GPRIN2: variants seen among roughly 807,000 people sequenced by gnomAD.
The protein encoded by GPRIN2 is G protein regulated inducer of neurite outgrowth 2, also known as G protein-regulated inducer of neurite outgrowth 2.
A neutral mutation model predicts 0.3 loss-of-function variants in GPRIN2; 1 was observed. The observed-to-expected ratio is 3.90, with a 90% CI of 1.39 to 18.51. The LOEUF (loss-of-function observed/expected upper bound fraction) is 18.51. Ranked by LOEUF, GPRIN2 falls within the 30% of genes most tolerant of loss-of-function variation. The pLI is 0.11. For synonymous variants in GPRIN2, 361 were observed against 258.6 expected, an observed-to-expected ratio of 1.40 and a Z score of -3.80; for missense variants, 880 against 604.2, an observed-to-expected ratio of 1.46 and a Z score of -4.79.
chr10:46,550,550 C>T lies in GPRIN2; in HGVS notation c.187G>A (p.Glu63Lys), dbSNP rs143618439. ...GEASTRPQAP[E>K]EEGNPPESMK... ...CTCTCAGGCGGGTTCCCCTCTTCCT[C>T]CGGGGCCTGGGGTCTGGTGCTGGCC... Residue 63 changes from glutamate to lysine, a missense_variant, in exon 3 of 3, where the codon GAG (glutamate) becomes AAG (lysine). Physicochemically the swap from Glu to Lys is moderately conservative, Grantham distance 56. Transcript: ENST00000374314. The T allele has an allele frequency of 1.4e-4, 224 of 1,589,246 alleles. No homozygotes were observed. In the African/African-American group the frequency reaches 2.6e-3, roughly 18 times the overall value.
At chr10:46,552,775 G>A (rs1832095454) in intron 2 of GPRIN2, among the ~76,000 whole-genome samples, 43 of 152,414 alleles carry the variant, frequency 2.8e-4, no homozygotes, top group South Asian at 2.5e-3. Context: ...AATGGCTACC[G>A]TACAGGACTG....
At position 46,548,242 on chromosome 10, in the gene GPRIN2, CA is replaced by C; in HGVS notation, c.*1117del. 1.3e-4 allele frequency among the ~76,000 whole-genome samples: 1 copy of C among 7,614 alleles called. No homozygotes were observed. The highest frequency in any genetic ancestry group is 2.8e-4 in the African/African-American group (1 of 3,584). The allele number at this position is 7,614 out of a possible 152,430, so 5.0% of individuals were successfully genotyped here. A position where few individuals can be genotyped will look rare whatever the true frequency, so the allele number is the denominator to read the frequency against. On this transcript the variant is annotated 3_prime_UTR_variant, in exon 3 of 3. Coordinates refer to ENST00000374314, the MANE Select transcript of GPRIN2 (RefSeq NM_001385282.1). ...TTTGGGCAATGAAGTCAGACTGTGC[CA>C]AAGCCCATGTTTCTGTCTCTCCAAG...
chr10:46,546,996 G>T lies in GPRIN2; in HGVS notation c.*2364C>A, dbSNP rs1832872571. Among the ~76,000 whole-genome samples, 2 of 152,430 alleles carry T rather than the reference G, an allele frequency of 1.3e-5. No individual in the cohort carries two copies. The highest frequency in any genetic ancestry group is 4.8e-5 in the African/African-American group (2 of 41,610). On this transcript the variant is annotated 3_prime_UTR_variant, in exon 3 of 3. Transcript: ENST00000374314. ...AGAGTGGCACCCAGCCAGCGTGAAT[G>T]CATAAGAATCTGCACGTGACACAGA...
chr10:46,550,653 C>T lies in GPRIN2; in HGVS notation c.84G>A (p.Leu28=), dbSNP rs2131588994. ...GCCTCTGTTCCCGGCCTTCACCCAG[C>T]AGGCTGGAAGAGCTCTGGGACAGGG... ...LQPLSQSSSS[L]LGEGREQRPE... Residue 28 remains leucine, a synonymous_variant, in exon 3 of 3, where the codon CTG becomes CTA. Transcript: ENST00000374314. The T allele has an allele frequency of 6.4e-7, 1 of 1,559,092 alleles. No individual in the cohort carries two copies. The highest frequency in any genetic ancestry group is 8.7e-7 in the Non-Finnish European group (1 of 1,154,600).
At position 46,545,097 on chromosome 10, in the gene GPRIN2, CA is replaced by C. The variant is rs1443799257; in HGVS notation, c.*4262del. On this transcript the variant is annotated 3_prime_UTR_variant, in exon 3 of 3. Coordinates refer to ENST00000374314, the MANE Select transcript of GPRIN2 (RefSeq NM_001385282.1). ...ACTAACCAAGGCTGCTTGGCGTGAA[CA>C]AAACTGAGACAGAGCAATGCATGGA... Among the ~76,000 whole-genome samples the C allele has an allele frequency of 2.6e-5, 4 of 152,430 alleles. No individual in the cohort carries two copies. The highest frequency in any genetic ancestry group is 5.9e-5 in the Non-Finnish European group (4 of 68,050).
intron 2 of GPRIN2, 131 bp from the exon 3 acceptor site, chr10:46,550,873 G>A: frequency 9.9e-7 from 1 of 1,013,390 alleles, no homozygotes; most frequent in Non-Finnish European, 1.4e-6. Flanking sequence ...TGACTGGTCA[G>A]AACCATATGC....
rs1555018068 is a variant in GPRIN2, at chr10:46,549,778, T to C, written c.959A>G (p.Asn320Ser). The change falls in exon 3 of 3, where the codon AAT becomes AGT. Residue 320 changes from asparagine to serine, a missense_variant. By Grantham distance (46) the Asn-to-Ser change is conservative. Coordinates refer to ENST00000374314, the MANE Select transcript of GPRIN2 (RefSeq NM_001385282.1). ...GGATGCCTCTGCAGGGGCCAAGTCATTGGCTGAGGTCATGGTCCACACATC... is the reference window on the plus strand; with the variant it reads ...GGATGCCTCTGCAGGGGCCAAGTCACTGGCTGAGGTCATGGTCCACACATC... ...TKDVWTMTSA[N>S]DLAPAEASPL... The C allele has an allele frequency of 1.7e-5, 28 of 1,614,160 alleles. No individual in the cohort carries two copies. The highest frequency in any genetic ancestry group is 2.3e-5 in the Non-Finnish European group (27 of 1,180,024).
In GPRIN2 at chr10:46,549,214, G is replaced by T; in HGVS notation, c.*146C>A. 1 of 1,122,786 alleles carries T rather than the reference G, an allele frequency of 8.9e-7. No homozygotes were observed. Among genetic ancestry groups the T allele is most frequent in the Non-Finnish European group, 1.2e-6 (1 of 828,044 alleles). The allele number at this position is 1,122,786 out of a possible 1,614,324, so 69.6% of individuals were successfully genotyped here. A position where few individuals can be genotyped will look rare whatever the true frequency, so the allele number is the denominator to read the frequency against. The stretch of plus-strand genomic sequence containing the variant: ...GTAGGGCCGGAAGCCCCAGGCTGCA[G>T]TCCTGTGGTCTGGAGGCAGCCAATA... On this transcript the variant is annotated 3_prime_UTR_variant, in exon 3 of 3. Transcript: ENST00000374314.
At position 46,549,474 on chromosome 10, in the gene GPRIN2, C is replaced by T. The variant is rs1832706306; in HGVS notation, c.1263G>A (p.Ala421=). ...LEMQFEQLQR[A]PASEDSLSVE... ...CAGACAGGCTGTCCTCGCTGGCGGG[C>T]GCCCGCTGCAGCTGCTCAAACTGCA... The change falls in exon 3 of 3, where the codon GCG becomes GCA. Residue 421 remains alanine (A), a synonymous_variant. Coordinates refer to ENST00000374314, the MANE Select transcript of GPRIN2 (RefSeq NM_001385282.1). The T allele has an allele frequency of 1.1e-4, 180 of 1,609,820 alleles. No homozygotes were observed. Among genetic ancestry groups the T allele is most frequent in the South Asian group, 2.0e-4 (18 of 90,558 alleles).
In GPRIN2 at chr10:46,549,552, T is replaced by C; in HGVS notation, c.1185A>G (p.Gly395=). The C allele has an allele frequency of 1.9e-6, 3 of 1,614,042 alleles. No individual in the cohort carries two copies. The highest frequency in any genetic ancestry group is 2.5e-6 in the Non-Finnish European group (3 of 1,179,886). ...CGAGCACCTCCAGGTCCACCGCAGC[T>C]CCGTACACCTCCCATGTCATGCCCT... The part of the protein sequence containing the change: ...DAEGMTWEVY[G]AAVDLEVLGV... Residue 395 remains glycine (G), a synonymous_variant, in exon 3 of 3, where the codon GGA becomes GGG. Transcript: ENST00000374314.
At position 46,549,177 on chromosome 10, in the gene GPRIN2, C is replaced by G. The variant is rs1418630015; in HGVS notation, c.*183G>C. ...CTTGGAAATCAAGCCCTTAAGAAAA[C>G]AGCCCAGCTGTGTAGGGCCGGAAGC... On this transcript the variant is annotated 3_prime_UTR_variant, in exon 3 of 3. Coordinates refer to ENST00000374314, the MANE Select transcript of GPRIN2 (RefSeq NM_001385282.1). The G allele has an allele frequency of 6.5e-6, 5 of 764,168 alleles. No individual in the cohort carries two copies. The highest frequency in any genetic ancestry group is 1.8e-5 in the African/African-American group (1 of 54,840). 47.3% of individuals were successfully genotyped at this position (764,168 alleles called of 1,614,324 possible).
Position 46,550,679 on chromosome 10 carries a change from G to A in GPRIN2, c.58C>T (p.Pro20Ser), listed in dbSNP as rs1832282830. ...AGGCTGGAAGAGCTCTGGGACAGGG[G>A]CTGAAGGCGGGGGCTCAGGGGTGCC... is the stretch of plus-strand genomic sequence containing the variant. ...PWAPLSPRLQ[P>S]LSQSSSSLLG... Residue 20 changes from proline (P) to serine (S), a missense_variant, in exon 3 of 3, where the codon CCC becomes TCC. Pro to Ser is a moderately conservative substitution (Grantham distance 74). Coordinates refer to ENST00000374314, the MANE Select transcript of GPRIN2 (RefSeq NM_001385282.1). The A allele has an allele frequency of 2.6e-6, 4 of 1,522,422 alleles. No individual in the cohort carries two copies. Among genetic ancestry groups the A allele is most frequent in the Non-Finnish European group, 3.5e-6 (4 of 1,138,250 alleles). 94.3% of individuals were successfully genotyped at this position (1,522,422 alleles called of 1,614,324 possible).
At chr10:46,553,191 C>A (rs960540704) in intron 2 of GPRIN2, among the ~76,000 whole-genome samples, 1 of 152,426 alleles carries the variant, frequency 6.6e-6, no homozygotes, top group Non-Finnish European at 1.5e-5. Flanking sequence ...CTCTCCCCTT[C>A]GAGCACTGAG....
At chr10:46,556,335 G>A (rs1831832467) in intron 1 of GPRIN2, among the ~76,000 whole-genome samples, 163 bp downstream of exon 1, 1 of 152,308 alleles carries the variant, frequency 6.6e-6, no homozygotes, top group Non-Finnish European at 1.5e-5. Context: ...AGCGCGGGGA[G>A]TGCGATGCGG....
At position 46,544,748 on chromosome 10, in the gene GPRIN2, C is replaced by T. The variant is rs1832974259; in HGVS notation, c.*4612G>A. 3.9e-5 allele frequency among the ~76,000 whole-genome samples: 6 copies of T among 152,426 alleles called. No homozygotes were observed. The highest frequency in any genetic ancestry group is 1.9e-4 in the East Asian group (1 of 5,196). Reference sequence around the variant, plus strand: ...ACCAGTTCTGCTGAGAACGAGGACTCGAGTCAGGCTATGCTACCCTCCTTC... The same window carrying T: ...ACCAGTTCTGCTGAGAACGAGGACTTGAGTCAGGCTATGCTACCCTCCTTC... On this transcript the variant is annotated 3_prime_UTR_variant, in exon 3 of 3. Coordinates refer to ENST00000374314, the MANE Select transcript of GPRIN2 (RefSeq NM_001385282.1).
rs1437330766 is a variant in GPRIN2 at position 46,542,538 on chromosome 10, G to A, written c.*6822C>T. 6.6e-5 allele frequency among the ~76,000 whole-genome samples: 10 copies of A among 152,304 alleles called. No individual in the cohort carries two copies. The highest frequency in any genetic ancestry group is 1.9e-4 in the African/African-American group (8 of 41,486). On this transcript the variant is annotated 3_prime_UTR_variant, in exon 3 of 3. Transcript: ENST00000374314. ...GAAGAAGGTGCCTTGCTTCTCCTTC[G>A]CTGTCTGCCATGATTGTAAGTTTCC... is the stretch of plus-strand genomic sequence containing the variant.
At position 46,548,919 on chromosome 10, in the gene GPRIN2, A is replaced by G. The variant is rs1158537362; in HGVS notation, c.*441T>C. ...TCTGATAACATCAGTCCCCTTCCCTAAAGACCTGGGCAGTCCCTGTCACTG... is the reference window on the plus strand; with the variant it reads ...TCTGATAACATCAGTCCCCTTCCCTGAAGACCTGGGCAGTCCCTGTCACTG... On this transcript the variant is annotated 3_prime_UTR_variant, in exon 3 of 3. Transcript: ENST00000374314. The G allele has an allele frequency of 5.3e-6, 1 of 187,862 alleles. No individual in the cohort carries two copies. The highest frequency in any genetic ancestry group is 1.1e-5 in the Non-Finnish European group (1 of 92,584). The allele number at this position is 187,862 out of a possible 1,614,324, so 11.6% of individuals were successfully genotyped here. A position where few individuals can be genotyped will look rare whatever the true frequency, so the allele number is the denominator to read the frequency against.
intron 1 of GPRIN2, chr10:46,555,505 C>T (rs1365452352): frequency 1.3e-5 from 2 of 153,720 alleles, no homozygotes; most frequent in Admixed American, 1.3e-4. Context: ...AGGGCCAACT[C>T]TGGGCAAAGC....
rs1371006283 is a variant in GPRIN2 at position 46,546,882 on chromosome 10, C to T, written c.*2478G>A. Reference sequence around the variant, plus strand: ...ATTTCAGCACCGCTCTGCAAATACTCATCTCAGTGACGATGAGGTGAGTGG... The same window carrying T: ...ATTTCAGCACCGCTCTGCAAATACTTATCTCAGTGACGATGAGGTGAGTGG... On this transcript the variant is annotated 3_prime_UTR_variant, in exon 3 of 3. Coordinates refer to ENST00000374314, the MANE Select transcript of GPRIN2 (RefSeq NM_001385282.1). Among the ~76,000 whole-genome samples, 6 of 152,428 alleles carry T rather than the reference C, an allele frequency of 3.9e-5. No individual in the cohort carries two copies. The highest frequency in any genetic ancestry group is 3.3e-4 in the Admixed American group (5 of 15,312).
Sources: allele counts gnomAD v4.1 joint callset (sites outside exome capture counted in the v4.1 genomes callset), GRCh38; gene constraint gnomAD v4.1.1; transcripts MANE v1.5; gene names NCBI Gene and HGNC (gene_info 2026-07-23, HGNC 2026-07-21).